Variants in DOCK1 observed in about 807,000 individuals in gnomAD.
DOCK1 encodes dedicator of cytokinesis protein 1.
In DOCK1, 138 loss-of-function variants were observed where a neutral mutation model predicts 262.7. The ratio of observed to expected loss-of-function variants is 0.53; its 90% CI spans 0.46 to 0.61. The LOEUF is 0.61. DOCK1 is among the 20% of genes least tolerant of loss of function. The probability of loss-of-function intolerance (pLI) is 0.00; values close to 1 mark genes in which losing one functional copy is unlikely to be tolerated. For synonymous variants in DOCK1, 866 were observed against 867.4 expected, an observed-to-expected ratio of 1.00 and a Z score of 0.03; for missense variants, 1,908 against 2,370.7, an observed-to-expected ratio of 0.80 and a Z score of 4.05.
chr10:126,920,661 G>C (rs1283895317), intron 1 of DOCK1, among the ~76,000 whole-genome samples: 5 of 152,224 alleles, frequency 3.3e-5, no homozygotes, highest in Non-Finnish European at 5.9e-5. Flanking sequence ...TTTCTGCAGA[G>C]ATCTAGAAAA....
At chr10:126,968,319 T>C (rs1403814446) in intron 1 of DOCK1, among the ~76,000 whole-genome samples, 1 of 150,844 alleles carries the variant, frequency 6.6e-6, no homozygotes, top group Admixed American at 6.6e-5. Context: ...AGTCCTAAAA[T>C]GAACAAAGGG....
chr10:127,145,835 A>T, intron 27 of DOCK1: 1 of 352,478 alleles, frequency 2.8e-6, no homozygotes, highest in South Asian at 2.1e-5. Flanking sequence ...GATAGTTCTC[A>T]TCACACACGG....
rs966879131 is a variant in DOCK1, at chr10:127,451,748, C to T, written c.*321C>T. On this transcript the variant is annotated 3_prime_UTR_variant, in exon 52 of 52. Transcript: ENST00000623213. ...CTTTCTTTTTGTGCCAAATGACTTG[C>T]ATTTGCAAAGAGCTCAATTGCTCTG... The T allele has an allele frequency of 2.6e-6, 1 of 379,250 alleles. No individual in the cohort carries two copies. 23.5% of individuals were successfully genotyped at this position (379,250 alleles called of 1,614,324 possible). A position where few individuals can be genotyped will look rare whatever the true frequency, so the allele number is the denominator to read the frequency against.
intron 35 of DOCK1, among the ~76,000 whole-genome samples, 187 bp from the exon 36 acceptor site, chr10:127,379,895 C>CA (rs943148835): frequency 1.9e-4 from 27 of 145,400 alleles, no homozygotes; most frequent in East Asian, 4.0e-4. Context: ...GTTTGACTAG[C>CA]AAAAAAAAAA....
At chr10:127,296,046 C>T (rs962409938) in intron 29 of DOCK1, among the ~76,000 whole-genome samples, 1 of 152,170 alleles carries the variant, frequency 6.6e-6, no homozygotes, top group Non-Finnish European at 1.5e-5. Flanking sequence ...GTTTCTTAAC[C>T]TCTCTGGGAT....
chr10:127,352,010 T>C (rs888138145), intron 31 of DOCK1, among the ~76,000 whole-genome samples: 17 of 150,788 alleles, frequency 1.1e-4, no homozygotes, highest in Admixed American at 8.6e-4. Context: ...GGTGGGCTCT[T>C]GTATCCTTGC....
At chr10:127,322,574 G>A (rs1388178023) in intron 29 of DOCK1, among the ~76,000 whole-genome samples, 1 of 152,228 alleles carries the variant, frequency 6.6e-6, no homozygotes, top group Non-Finnish European at 1.5e-5. Context: ...GTGTATGCAT[G>A]TGTGTGTCCC....
chr10:127,040,172 G>A (rs2043925596), intron 19 of DOCK1, among the ~76,000 whole-genome samples: 1 of 152,188 alleles, frequency 6.6e-6, no homozygotes, highest in Admixed American at 6.5e-5. Flanking sequence ...TCGGCTGTTA[G>A]CAGATGGCAT....
intron 38 of DOCK1, among the ~76,000 whole-genome samples, chr10:127,390,611 A>G (rs767475635): frequency 8.5e-5 from 13 of 152,118 alleles, no homozygotes; most frequent in Non-Finnish European, 1.3e-4. Context: ...CTACAAGCCA[A>G]CGAGAGAGGA....
intron 4 of DOCK1, among the ~76,000 whole-genome samples, chr10:126,985,784 A>G (rs2039337112): frequency 6.6e-6 from 1 of 152,148 alleles, no homozygotes; most frequent in Non-Finnish European, 1.5e-5. Flanking sequence ...CATCCTTGGC[A>G]GGGCTGTTTT....
chr10:127,247,034 C>G (rs929707577), intron 27 of DOCK1, among the ~76,000 whole-genome samples: 4 of 152,150 alleles, frequency 2.6e-5, no homozygotes, highest in Non-Finnish European at 4.4e-5. Context: ...ATGTTGTTAG[C>G]TACAAAGCCT....
chr10:126,923,539 G>A (rs1027489320), intron 1 of DOCK1, among the ~76,000 whole-genome samples: 10 of 152,102 alleles, frequency 6.6e-5, no homozygotes, highest in Non-Finnish European at 1.5e-5. Flanking sequence ...CAGGAGAATC[G>A]CTTGAACCCG....
intron 47 of DOCK1, 106 bp from the exon 48 acceptor site, chr10:127,433,177 A>G: frequency 6.8e-7 from 1 of 1,464,608 alleles, no homozygotes; most frequent in Non-Finnish European, 9.3e-7. Context: ...AGTCTGAACG[A>G]TGATGGTCTC....
At chr10:127,134,021 C>T (rs1490842356) in intron 27 of DOCK1, among the ~76,000 whole-genome samples, 1 of 152,206 alleles carries the variant, frequency 6.6e-6, no homozygotes, top group African/African-American at 2.4e-5. Flanking sequence ...AATCAACTTT[C>T]ACTTGCTGAT....
intron 26 of DOCK1, among the ~76,000 whole-genome samples, 173 bp downstream of exon 26, chr10:127,125,774 A>G (rs2049913925): frequency 6.6e-6 from 1 of 152,054 alleles, no homozygotes; most frequent in Admixed American, 6.5e-5. Flanking sequence ...ATATATGGTG[A>G]TTATTACAAC....
At chr10:127,383,118 T>TA (rs1307819326) in intron 37 of DOCK1, among the ~76,000 whole-genome samples, 4 of 152,246 alleles carry the variant, frequency 2.6e-5, no homozygotes, top group Non-Finnish European at 5.9e-5. Context: ...GTATGACAGA[T>TA]ATATTATTGT....
At chr10:127,007,145 T>C (rs1351360918) in intron 10 of DOCK1, among the ~76,000 whole-genome samples, 1 of 152,120 alleles carries the variant, frequency 6.6e-6, no homozygotes, top group Non-Finnish European at 1.5e-5. Context: ...TGGGATTCTT[T>C]GACCTGTATC....
chr10:127,029,032 A>T (rs2043065949), intron 16 of DOCK1, among the ~76,000 whole-genome samples: 2 of 152,238 alleles, frequency 1.3e-5, no homozygotes, highest in African/African-American at 4.8e-5. Context: ...AATAAATTAC[A>T]CTAGGGCAGA....
chr10:126,962,463 T>A (rs999574507), intron 1 of DOCK1, among the ~76,000 whole-genome samples: 2 of 145,318 alleles, frequency 1.4e-5, no homozygotes, highest in Non-Finnish European at 1.5e-5. Context: ...CCGGCCAGTT[T>A]TGGCATTTTT....
Sources: allele counts gnomAD v4.1 joint callset (sites outside exome capture counted in the v4.1 genomes callset), GRCh38; gene constraint gnomAD v4.1.1; transcripts MANE v1.5; gene names NCBI Gene and HGNC (gene_info 2026-07-23, HGNC 2026-07-21).